BCAS4: variants seen among roughly 807,000 people sequenced by gnomAD.
The protein encoded by BCAS4 is breast carcinoma amplified sequence 4.
In BCAS4, 9 loss-of-function variants were observed where a neutral mutation model predicts 15.7. The observed-to-expected ratio is 0.57, with a 90% CI of 0.34 to 1.00. The LOEUF (loss-of-function observed/expected upper bound fraction) is 1.00, where lower values mean the gene tolerates loss of function less well. Among genes scored for constraint, BCAS4 ranks in the 50% least tolerant of loss-of-function variants. BCAS4 has a pLI of 0.02. For missense variants in BCAS4, 225 were observed against 239.1 expected, an observed-to-expected ratio of 0.94 and a Z score of 0.39; for synonymous variants, 101 against 99.5, an observed-to-expected ratio of 1.02 and a Z score of -0.09.
chr20:50,864,502 G>T (rs1264957077), intron 4 of BCAS4, among the ~76,000 whole-genome samples: 1 of 146,420 alleles, frequency 6.8e-6, no homozygotes, highest in Non-Finnish European at 1.5e-5. Context: ...GCAGTGGTGT[G>T]ATCTCAGCTC....
At chr20:50,871,366 A>G (rs186312622) in intron 4 of BCAS4, among the ~76,000 whole-genome samples, 1,937 of 152,292 alleles carry the variant, frequency 0.013, 45 homozygotes, top group African/African-American at 0.044. Flanking sequence ...CCTCTGGGAA[A>G]TGGTCCTGTC....
At chr20:50,876,302 A>G (rs1600911781) in intron 4 of BCAS4, among the ~76,000 whole-genome samples, 184 bp from the exon 5 acceptor site, 1 of 151,424 alleles carries the variant, frequency 6.6e-6, no homozygotes. Context: ...AGAGGGCCTG[A>G]CATGGATGCC....
At chr20:50,854,818 CAAG>C (rs1978665776) in intron 4 of BCAS4, among the ~76,000 whole-genome samples, 3 of 152,236 alleles carry the variant, frequency 2.0e-5, no homozygotes, top group South Asian at 4.1e-4. Flanking sequence ...CTGCCAAAGC[CAAG>C]TCCTGAAGCT....
In BCAS4 at chr20:50,831,491, C is replaced by T. The variant is rs550726060; in HGVS notation, c.264+1111C>T. ...TGGGCTCTCCAGTCTTCCACAGTCC[C>T]CACCATGCCCTGTTGCCTTACCGCT... On this transcript the variant is annotated intron_variant, in intron 3 of 4. Coordinates refer to ENST00000371608, the MANE Select transcript of BCAS4 (RefSeq NM_198799.4). Among the ~76,000 whole-genome samples the T allele has an allele frequency of 5.9e-5, 9 of 152,286 alleles. No homozygotes were observed. In the East Asian group the frequency reaches 1.7e-3, roughly 29 times the overall value.
chr20:50,822,947 T>C (rs1346525732), intron 2 of BCAS4, among the ~76,000 whole-genome samples: 1 of 152,024 alleles, frequency 6.6e-6, no homozygotes, highest in Non-Finnish European at 1.5e-5. Flanking sequence ...GTTGAACATG[T>C]GCTTAACCCA....
intron 3 of BCAS4, among the ~76,000 whole-genome samples, chr20:50,837,490 C>T (rs76390804): frequency 0.048 from 7,336 of 152,270 alleles, 200 homozygotes; most frequent in African/African-American, 0.059. Context: ...GGCTTTCCTT[C>T]CCTCCCTCTC....
At position 50,869,179 on chromosome 20, in the gene BCAS4, T is replaced by G. The variant is rs114408457; in HGVS notation, c.400-7307T>G. Among the ~76,000 whole-genome samples, 1,029 of 152,230 alleles carry G rather than the reference T, an allele frequency of 6.8e-3. 11 individuals are homozygous for G. The highest frequency in any genetic ancestry group is 0.024 in the African/African-American group (982 of 41,544). On this transcript the variant is annotated intron_variant, in intron 4 of 4. Transcript: ENST00000371608. ...AGGTTAGAAGTAGTGTCACCTGGTGTGTAGTAGGCATGGTTGTTTTCACAG... is the reference window on the plus strand; with the variant it reads ...AGGTTAGAAGTAGTGTCACCTGGTGGGTAGTAGGCATGGTTGTTTTCACAG...
intron 4 of BCAS4, among the ~76,000 whole-genome samples, chr20:50,858,134 C>T (rs924605455): frequency 5.3e-5 from 8 of 152,298 alleles, no homozygotes; most frequent in African/African-American, 1.9e-4. Context: ...CAAGTTAGTA[C>T]AGTAATCCCT....
chr20:50,881,193 G>T (rs1980110540), downstream of BCAS4: 1 of 152,172 alleles, frequency 6.6e-6, no homozygotes, highest in African/African-American at 2.4e-5. Context: ...TTGTGCCACT[G>T]CACTCCAGCC....
In BCAS4 at chr20:50,859,486, C is replaced by G. The variant is rs191696201; in HGVS notation, c.400-17000C>G. ...GTGTCTGAGGAGGAGGAGACAGGGG[C>G]CAGGGAGAGCCTCTGGGGAGGTGAC... is the stretch of plus-strand genomic sequence containing the variant. On this transcript the variant is annotated intron_variant, in intron 4 of 4. Coordinates refer to ENST00000371608, the MANE Select transcript of BCAS4 (RefSeq NM_198799.4). 6.0e-4 allele frequency among the ~76,000 whole-genome samples: 91 copies of G among 151,844 alleles called. 2 individuals are homozygous for G. In the South Asian group the frequency reaches 0.017, roughly 29 times the overall value.
intron 1 of BCAS4, among the ~76,000 whole-genome samples, chr20:50,810,853 G>A (rs755593197): frequency 6.6e-6 from 1 of 152,100 alleles, no homozygotes; most frequent in Non-Finnish European, 1.5e-5. Flanking sequence ...GCCCCTCAAA[G>A]TGCTGGGATT....
intron 4 of BCAS4, among the ~76,000 whole-genome samples, chr20:50,861,461 G>T (rs561606156): frequency 2.0e-4 from 30 of 152,378 alleles, no homozygotes; most frequent in Admixed American, 1.6e-3. Context: ...AATGACAAGG[G>T]TGCGGTGTTT....
chr20:50,798,583 G>T (rs1278785531), intron 1 of BCAS4, among the ~76,000 whole-genome samples: 1 of 152,178 alleles, frequency 6.6e-6, no homozygotes, highest in Non-Finnish European at 1.5e-5. Context: ...CAAAGTTAAT[G>T]AAATTTTACA....
At chr20:50,804,932 C>T (rs140026337) in intron 1 of BCAS4, among the ~76,000 whole-genome samples, 1 of 152,178 alleles carries the variant, frequency 6.6e-6, no homozygotes, top group Non-Finnish European at 1.5e-5. Flanking sequence ...AGAATCACCT[C>T]ATTTGCTCCC....
intron 4 of BCAS4, among the ~76,000 whole-genome samples, chr20:50,870,210 A>C (rs555380842): frequency 3.9e-5 from 6 of 152,276 alleles, no homozygotes; most frequent in African/African-American, 1.4e-4. Context: ...TTTACAGAAA[A>C]CATTTTGCTG....
At chr20:50,875,503 G>A (rs1172390282) in intron 4 of BCAS4, among the ~76,000 whole-genome samples, 1 of 150,960 alleles carries the variant, frequency 6.6e-6, no homozygotes, top group African/African-American at 2.4e-5. Flanking sequence ...GGTGGCTCAC[G>A]CCTGTCATCC....
intron 1 of BCAS4, among the ~76,000 whole-genome samples, chr20:50,809,206 ATT>A (rs57620086): frequency 1.6e-4 from 24 of 146,834 alleles, no homozygotes; most frequent in African/African-American, 5.7e-4. Context: ...TATTTTTTTA[ATT>A]TTTTTTTTTT....
intron 3 of BCAS4, among the ~76,000 whole-genome samples, chr20:50,840,137 A>C (rs1198791816): frequency 1.3e-5 from 2 of 152,210 alleles, no homozygotes; most frequent in African/African-American, 4.8e-5. Context: ...TCAGCCTCCC[A>C]AAGTATTGAG....
Position 50,856,584 on chromosome 20 carries a change from T to C in BCAS4, c.399+14684T>C, listed in dbSNP as rs1156785488. Among the ~76,000 whole-genome samples, 6 of 152,328 alleles carry C rather than the reference T, an allele frequency of 3.9e-5. No individual in the cohort carries two copies. In the South Asian group the frequency reaches 1.0e-3, roughly 26 times the overall value. On this transcript the variant is annotated intron_variant, in intron 4 of 4. Coordinates refer to ENST00000371608, the MANE Select transcript of BCAS4 (RefSeq NM_198799.4). ...TGGTGATCACAGTCTTCCAGCCTCC[T>C]TGTCCCTTTTGTGTCTGGTAGCTCT...
Sources: allele counts gnomAD v4.1 joint callset (sites outside exome capture counted in the v4.1 genomes callset), GRCh38; gene constraint gnomAD v4.1.1; transcripts MANE v1.5; gene names NCBI Gene and HGNC (gene_info 2026-07-23, HGNC 2026-07-21).